The following SFMBT2 variants were observed in gnomAD, a reference collection of about 807,000 sequenced individuals.
The protein encoded by SFMBT2 is Scm like with four mbt domains 2.
A neutral mutation model predicts 110.1 loss-of-function variants in SFMBT2; 38 were observed. The ratio of observed to expected loss-of-function variants is 0.35; its 90% CI spans 0.27 to 0.45. SFMBT2 has a LOEUF of 0.45. Ranked by LOEUF, SFMBT2 falls within the 20% of genes least tolerant of loss-of-function variation. SFMBT2 has a pLI of 1.00. For synonymous variants in SFMBT2, 425 were observed against 425.4 expected (o/e 1.00, Z 0.01); for missense variants, 1,011 against 1,094.9 (o/e 0.92, Z 1.08).
At chr10:7,191,226 C>G (rs1838591691) in intron 15 of SFMBT2, among the ~76,000 whole-genome samples, 1 of 152,264 alleles carries the variant, frequency 6.6e-6, no homozygotes, top group South Asian at 2.1e-4. Context: ...CTACACTCAA[C>G]AGCGCCTTTT....
At chr10:7,205,590 C>G in intron 12 of SFMBT2, 3 of 985,408 alleles carry the variant, frequency 3.0e-6, no homozygotes, top group Non-Finnish European at 3.6e-6. Flanking sequence ...CTCTGCCTCT[C>G]TGTGACTTTC....
At chr10:7,241,922 T>C (rs921283839) in intron 9 of SFMBT2, among the ~76,000 whole-genome samples, 1 of 152,204 alleles carries the variant, frequency 6.6e-6, no homozygotes, top group Non-Finnish European at 1.5e-5. Flanking sequence ...TTTTTCAAAA[T>C]TCTTAAATAT....
At chr10:7,382,032 A>T (rs1225181737) in intron 1 of SFMBT2, 83 bp from the exon 2 acceptor site, 1 of 719,042 alleles carries the variant, frequency 1.4e-6, no homozygotes, top group African/African-American at 1.8e-5. Context: ...GTTTAAAAAA[A>T]ACCTTATTAG....
intron 15 of SFMBT2, among the ~76,000 whole-genome samples, chr10:7,191,913 G>C (rs901075061): frequency 2.6e-5 from 4 of 152,112 alleles, no homozygotes; most frequent in Admixed American, 2.6e-4. Flanking sequence ...TAATCTACAT[G>C]AATGGAGGCT....
At chr10:7,315,048 G>GAAAC (rs1197633563) in intron 4 of SFMBT2, among the ~76,000 whole-genome samples, 11 of 112,950 alleles carry the variant, frequency 9.7e-5, no homozygotes, top group African/African-American at 3.6e-4. Context: ...GAGAAAGAAA[G>GAAAC]AAAGAAAGAA....
chr10:7,350,779 T>C (rs899054442), intron 4 of SFMBT2, among the ~76,000 whole-genome samples: 1 of 152,166 alleles, frequency 6.6e-6, no homozygotes, highest in African/African-American at 2.4e-5. Flanking sequence ...CCTGTGCAAA[T>C]CCCCCTGAGG....
At chr10:7,381,714 T>C in intron 2 of SFMBT2, 85 bp downstream of exon 2, 1 of 1,395,418 alleles carries the variant, frequency 7.2e-7, no homozygotes, top group Non-Finnish European at 1.0e-6. Flanking sequence ...TCTACAAATG[T>C]TGCCCCATTG....
At chr10:7,266,350 A>C (rs545748599) in intron 7 of SFMBT2, among the ~76,000 whole-genome samples, 2 of 152,182 alleles carry the variant, frequency 1.3e-5, no homozygotes, top group South Asian at 4.2e-4. Flanking sequence ...TCGGCCTCCC[A>C]AACTGCTGGG....
At chr10:7,307,402 C>T (rs1366865432) in intron 4 of SFMBT2, among the ~76,000 whole-genome samples, 2 of 152,122 alleles carry the variant, frequency 1.3e-5, no homozygotes, top group Admixed American at 1.3e-4. Context: ...TTCAAGAACA[C>T]CAACAAACTA....
At chr10:7,194,517 A>G (rs916940620) in intron 15 of SFMBT2, among the ~76,000 whole-genome samples, 27 of 152,100 alleles carry the variant, frequency 1.8e-4, no homozygotes, top group African/African-American at 6.3e-4. Context: ...CCTACACATA[A>G]AGTGTTCAAG....
rs546092340 is a variant in SFMBT2, at chr10:7,275,104, T to G, written c.870+1788A>C. Among the ~76,000 whole-genome samples, 21 of 152,272 alleles carry G rather than the reference T, an allele frequency of 1.4e-4. No homozygotes were observed. The East Asian group carries it at 3.9e-3, about 28-fold the overall frequency. The stretch of plus-strand genomic sequence containing the variant: ...GAGGCACAGGCAGGACCCGCACAGC[T>G]GTGAGGCCCCGGGTGCCCTGGTCCC... On this transcript the variant is annotated intron_variant, in intron 7 of 20. Coordinates refer to ENST00000397167, the MANE Select transcript of SFMBT2 (RefSeq NM_001387889.1).
At position 7,226,574 on chromosome 10, in the gene SFMBT2, C is replaced by G. The variant is rs138271923; in HGVS notation, c.1203+1281G>C. Among the ~76,000 whole-genome samples the G allele has an allele frequency of 2.4e-3, 371 of 152,326 alleles. 3 individuals carry two copies. Among genetic ancestry groups the G allele is most frequent in the South Asian group, 0.013 (63 of 4,832 alleles). ...ATCTCAAGTAAGAGGAGGCTATAAT[C>G]TTTTTGTCTTAACATAAATTAACTT... On this transcript the variant is annotated intron_variant, in intron 10 of 20. Transcript: ENST00000397167.
In SFMBT2 at chr10:7,367,821, C is replaced by A; in HGVS notation, c.264G>T (p.Pro88=). The stretch of plus-strand genomic sequence containing the variant: ...TGATCGTGGCCACCCAGTACGTGTC[C>A]GGGTTGTTCTTATTAGCCACTTCCA... ...MKLEVANKNN[P]DTYWVATIIT... Residue 88 remains proline (P), a synonymous_variant, in exon 4 of 21, where the codon CCG becomes CCT. Coordinates refer to ENST00000397167, the MANE Select transcript of SFMBT2 (RefSeq NM_001387889.1). This position sits in a 1 kb window ranked among gnomAD's most constrained non-coding sequence, Gnocchi z 6.2. The A allele has an allele frequency of 2.5e-6, 4 of 1,614,132 alleles. No individual in the cohort carries two copies. The highest frequency in any genetic ancestry group is 3.4e-6 in the Non-Finnish European group (4 of 1,180,036).
chr10:7,316,330 A>G (rs1167443183), intron 4 of SFMBT2, among the ~76,000 whole-genome samples: 2 of 152,174 alleles, frequency 1.3e-5, no homozygotes, highest in Non-Finnish European at 2.9e-5. Flanking sequence ...CAGCTGGGCT[A>G]GAAAAGGCAG....
chr10:7,299,545 G>C (rs1382988303), intron 4 of SFMBT2, among the ~76,000 whole-genome samples: 1 of 151,184 alleles, frequency 6.6e-6, no homozygotes, highest in African/African-American at 2.4e-5. Flanking sequence ...ACCATCTCAT[G>C]CCAGTCAGAA....
At chr10:7,165,533 T>C (rs890345463) in intron 20 of SFMBT2, among the ~76,000 whole-genome samples, 1 of 152,236 alleles carries the variant, frequency 6.6e-6, no homozygotes, top group Non-Finnish European at 1.5e-5. Context: ...CAATATTCCC[T>C]AATAAGTACT....
intron 16 of SFMBT2, among the ~76,000 whole-genome samples, chr10:7,176,888 T>A (rs997732168): frequency 6.6e-6 from 1 of 151,864 alleles, no homozygotes; most frequent in African/African-American, 2.4e-5. Flanking sequence ...TCGTAAGGGG[T>A]CTCCGGTGGA....
At chr10:7,253,678 T>C (rs963187050) in intron 7 of SFMBT2, among the ~76,000 whole-genome samples, 7 of 152,194 alleles carry the variant, frequency 4.6e-5, no homozygotes, top group African/African-American at 1.7e-4. Flanking sequence ...ACACAGGTAT[T>C]TGTAGTCTGG....
chr10:7,336,981 C>T (rs1278529923), intron 4 of SFMBT2, among the ~76,000 whole-genome samples: 1 of 152,196 alleles, frequency 6.6e-6, no homozygotes, highest in African/African-American at 2.4e-5. Context: ...ACAGTATCAA[C>T]TGTTGGAGTA....
Sources: gnomAD v4.1 joint callset for allele counts (sites outside exome capture counted in the v4.1 genomes callset) on GRCh38, gnomAD v4.1.1 for gene constraint, Gnocchi (gnomAD v3.1) non-coding constraint, MANE v1.5 for transcripts, NCBI Gene and HGNC (gene_info 2026-07-23, HGNC 2026-07-21) for gene names.